The following PLEKHA5 variants were observed in gnomAD, a reference collection of about 807,000 sequenced individuals.
The protein encoded by PLEKHA5 is pleckstrin homology domain-containing family A member 5.
A neutral mutation model predicts 181.9 loss-of-function variants in PLEKHA5; 55 were observed. The observed-to-expected ratio is 0.30, with a 90% CI of 0.24 to 0.38. The LOEUF (loss-of-function observed/expected upper bound fraction) is 0.38. PLEKHA5 is among the 10% of genes least tolerant of loss of function. PLEKHA5 has a pLI of 1.00. For missense variants in PLEKHA5, 1,432 were observed against 1,549.5 expected, an observed-to-expected ratio of 0.92 and a Z score of 1.27; for synonymous variants, 535 against 529.4, an observed-to-expected ratio of 1.01 and a Z score of -0.15.
At chr12:19,356,527 A>G (rs559170876) in intron 26 of PLEKHA5, among the ~76,000 whole-genome samples, 20 of 152,184 alleles carry the variant, frequency 1.3e-4, no homozygotes, top group Admixed American at 1.2e-3. Flanking sequence ...AAATAAATAC[A>G]TAAATAAATA....
At chr12:19,320,137 A>G in intron 17 of PLEKHA5, 81 bp downstream of exon 17, 1 of 536,580 alleles carries the variant, frequency 1.9e-6, no homozygotes, top group Non-Finnish European at 3.2e-6. Flanking sequence ...GAGTGTACAC[A>G]TACACAGTGT....
At chr12:19,255,505 A>C (rs2152557134) in intron 5 of PLEKHA5, among the ~76,000 whole-genome samples, 1 of 152,076 alleles carries the variant, frequency 6.6e-6, no homozygotes, top group East Asian at 1.9e-4. Flanking sequence ...TTTCAGCAAA[A>C]CCATTGTAAT....
At chr12:19,131,257 C>T (rs1045415334) in intron 2 of PLEKHA5, among the ~76,000 whole-genome samples, 1 of 152,094 alleles carries the variant, frequency 6.6e-6, no homozygotes, top group African/African-American at 2.4e-5. Context: ...GTTAAAGTTG[C>T]CAGGATATTG....
intron 11 of PLEKHA5, among the ~76,000 whole-genome samples, chr12:19,281,374 T>G (rs1351072176): frequency 6.6e-6 from 1 of 152,012 alleles, no homozygotes; most frequent in African/African-American, 2.4e-5. Context: ...CTCAGGAGTT[T>G]GAGATCGCCC....
At chr12:19,295,339 A>G (rs1182127755) in intron 15 of PLEKHA5, among the ~76,000 whole-genome samples, 1 of 152,116 alleles carries the variant, frequency 6.6e-6, no homozygotes, top group Non-Finnish European at 1.5e-5. Flanking sequence ...AGCTTTTTCC[A>G]TGTTTATTTT....
chr12:19,164,045 C>A (rs1591875096), intron 3 of PLEKHA5, among the ~76,000 whole-genome samples: 1 of 152,218 alleles, frequency 6.6e-6, no homozygotes, highest in Non-Finnish European at 1.5e-5. Flanking sequence ...GACCAAGGCT[C>A]TTTAGGATGT....
rs563865061 is a variant in PLEKHA5 at position 19,218,767 on chromosome 12, A to G, written c.228-35173A>G. Among the ~76,000 whole-genome samples the G allele has an allele frequency of 3.4e-3, 515 of 152,098 alleles. 3 individuals are homozygous for G. The highest frequency in any genetic ancestry group is 0.029 in the South Asian group (141 of 4,820). On this transcript the variant is annotated intron_variant, in intron 3 of 31. Transcript: ENST00000429027. ...CTGGATAGCTTTGAATTATCTAATTATATGTATATATTGTGTTTACTTATT... is the reference window on the plus strand; with the variant it reads ...CTGGATAGCTTTGAATTATCTAATTGTATGTATATATTGTGTTTACTTATT...
intron 3 of PLEKHA5, chr12:19,150,148 A>G (rs2040030394): frequency 6.6e-6 from 1 of 152,274 alleles, no homozygotes; most frequent in Admixed American, 6.5e-5. Context: ...TAGATTATAT[A>G]GAAATCTATG....
At chr12:19,368,643 T>C (rs887012287) in intron 30 of PLEKHA5, among the ~76,000 whole-genome samples, 1 of 151,464 alleles carries the variant, frequency 6.6e-6, no homozygotes, top group Non-Finnish European at 1.5e-5. Flanking sequence ...AAATACAAAA[T>C]TAGCCAGGCA....
intron 3 of PLEKHA5, among the ~76,000 whole-genome samples, chr12:19,166,836 A>G (rs1005566700): frequency 5.9e-5 from 9 of 152,212 alleles, no homozygotes; most frequent in East Asian, 1.9e-4. Context: ...TGATTTGTCA[A>G]TCTTTGTGAC....
chr12:19,255,871 C>A (rs1409067966), intron 5 of PLEKHA5, among the ~76,000 whole-genome samples: 29 of 108,046 alleles, frequency 2.7e-4, no homozygotes, highest in South Asian at 2.9e-4. Flanking sequence ...AAGAAAAAAA[C>A]AATGGAAGAT....
intron 3 of PLEKHA5, among the ~76,000 whole-genome samples, chr12:19,206,980 A>G (rs1320909002): frequency 6.6e-6 from 1 of 152,184 alleles, no homozygotes; most frequent in Non-Finnish European, 1.5e-5. Context: ...TGAGGGGATA[A>G]GTCATTCGCT....
At chr12:19,129,941 G>T in intron 1 of PLEKHA5, 53 bp downstream of exon 1, 1 of 1,530,248 alleles carries the variant, frequency 6.5e-7, no homozygotes, top group Non-Finnish European at 8.9e-7. Flanking sequence ...GGCAGGAGGC[G>T]GGCGGCTGGC....
intron 3 of PLEKHA5, among the ~76,000 whole-genome samples, chr12:19,180,304 G>A (rs1470231957): frequency 2.6e-5 from 4 of 152,126 alleles, no homozygotes; most frequent in Non-Finnish European, 5.9e-5. Context: ...TCATTTGACA[G>A]TAATCAAGGG....
At chr12:19,166,991 G>T (rs2044547949) in intron 3 of PLEKHA5, among the ~76,000 whole-genome samples, 1 of 152,114 alleles carries the variant, frequency 6.6e-6, no homozygotes, top group Non-Finnish European at 1.5e-5. Context: ...ATATATTCGA[G>T]ACAGATGATA....
At chr12:19,324,938 A>G (rs1490474037) in intron 20 of PLEKHA5, among the ~76,000 whole-genome samples, 1 of 152,242 alleles carries the variant, frequency 6.6e-6, no homozygotes, top group East Asian at 1.9e-4. Flanking sequence ...GTTGGAAACT[A>G]TTTAATGATT....
At chr12:19,295,660 A>G (rs756770426) in intron 15 of PLEKHA5, among the ~76,000 whole-genome samples, 20 of 152,194 alleles carry the variant, frequency 1.3e-4, no homozygotes, top group Non-Finnish European at 2.2e-4. Flanking sequence ...AGAGCCAACT[A>G]TAAGTCATTT....
At chr12:19,331,297 T>C (rs2092805335) in intron 20 of PLEKHA5, among the ~76,000 whole-genome samples, 2 of 152,210 alleles carry the variant, frequency 1.3e-5, no homozygotes, top group African/African-American at 2.4e-5. Context: ...TTGCCATTGA[T>C]TTTAGATAAG....
chr12:19,312,448 A>G (rs754458564), intron 15 of PLEKHA5, among the ~76,000 whole-genome samples: 34 of 152,200 alleles, frequency 2.2e-4, no homozygotes, highest in Non-Finnish European at 2.4e-4. Context: ...TTCTTCAGTT[A>G]TCTTAGCTAG....
Sources: allele counts gnomAD v4.1 joint callset (sites outside exome capture counted in the v4.1 genomes callset), GRCh38; gene constraint gnomAD v4.1.1; transcripts MANE v1.5; gene names NCBI Gene and HGNC (gene_info 2026-07-23, HGNC 2026-07-21).